The following ARHGAP10 variants were observed in gnomAD, a reference collection of about 807,000 sequenced individuals.
ARHGAP10 encodes rho GTPase-activating protein 10.
A neutral mutation model predicts 108.6 loss-of-function variants in ARHGAP10; 87 were observed. That is an observed-to-expected ratio of 0.80 (90% confidence interval 0.67 to 0.96). The LOEUF (loss-of-function observed/expected upper bound fraction) is 0.96, where lower values mean the gene tolerates loss of function less well. ARHGAP10 is among the 40% of genes least tolerant of loss of function. ARHGAP10 has a pLI of 0.00. For synonymous variants in ARHGAP10, 347 were observed against 341.1 expected, an observed-to-expected ratio of 1.02 and a Z score of -0.19; for missense variants, 939 against 954.5, an observed-to-expected ratio of 0.98 and a Z score of 0.21.
At chr4:147,986,745 A>G (rs1740058431) in intron 18 of ARHGAP10, among the ~76,000 whole-genome samples, 1 of 152,232 alleles carries the variant, frequency 6.6e-6, no homozygotes, top group African/African-American at 2.4e-5. Context: ...AAAGTACATC[A>G]TGATTCAGAT....
At chr4:147,954,026 T>A (rs1243277759) in intron 15 of ARHGAP10, among the ~76,000 whole-genome samples, 1 of 152,080 alleles carries the variant, frequency 6.6e-6, no homozygotes, top group Non-Finnish European at 1.5e-5. Context: ...CTGTTATTGA[T>A]TTTTAATTCA....
intron 1 of ARHGAP10, among the ~76,000 whole-genome samples, chr4:147,806,630 G>T (rs925175511): frequency 6.6e-6 from 1 of 152,114 alleles, no homozygotes; most frequent in Non-Finnish European, 1.5e-5. Flanking sequence ...AAGGTGCTTA[G>T]TGACTTGGTT....
intron 1 of ARHGAP10, among the ~76,000 whole-genome samples, chr4:147,734,031 G>A (rs1459507165): frequency 2.6e-5 from 4 of 151,996 alleles, no homozygotes; most frequent in Admixed American, 6.6e-5. Context: ...ATATGGAGGA[G>A]TGAGCATAGA....
At chr4:147,835,913 G>C (rs1384887589) in intron 3 of ARHGAP10, among the ~76,000 whole-genome samples, 1 of 152,166 alleles carries the variant, frequency 6.6e-6, no homozygotes, top group African/African-American at 2.4e-5. Flanking sequence ...GGTTCTTACT[G>C]TCCCTTATGC....
At chr4:147,867,684 T>C (rs964811776) in intron 7 of ARHGAP10, among the ~76,000 whole-genome samples, 2 of 151,896 alleles carry the variant, frequency 1.3e-5, no homozygotes, top group African/African-American at 2.4e-5. Context: ...GCCAACATGG[T>C]GAAACCCTGT....
chr4:147,756,187 G>A (rs1262481595), intron 1 of ARHGAP10, among the ~76,000 whole-genome samples: 2 of 151,382 alleles, frequency 1.3e-5, no homozygotes, highest in Non-Finnish European at 2.9e-5. Context: ...GGCTTTCCCA[G>A]GACTCTCCAG....
chr4:147,960,982 T>C (rs1161739992), intron 16 of ARHGAP10, among the ~76,000 whole-genome samples: 1 of 152,246 alleles, frequency 6.6e-6, no homozygotes, highest in African/African-American at 2.4e-5. Flanking sequence ...GTTTCCAGTT[T>C]TGGGCTAATA....
At position 147,817,480 on chromosome 4, in the gene ARHGAP10, G is replaced by T. The variant is rs557084625; in HGVS notation, c.155-5247G>T. 2.0e-5 allele frequency among the ~76,000 whole-genome samples: 3 copies of T among 152,326 alleles called. No individual in the cohort carries two copies. In the East Asian group the frequency reaches 5.8e-4, roughly 29 times the overall value. ...TCAGTTGTAGAATCAAGGACAAGCA[G>T]TGGCAGTTCAGGCCAGAATCTGGAG... On this transcript the variant is annotated intron_variant, in intron 1 of 22. Coordinates refer to ENST00000336498, the MANE Select transcript of ARHGAP10 (RefSeq NM_024605.4).
chr4:147,997,904 A>T (rs1012436957), intron 18 of ARHGAP10, among the ~76,000 whole-genome samples: 1 of 152,234 alleles, frequency 6.6e-6, no homozygotes, highest in African/African-American at 2.4e-5. Context: ...AGGAATTTTT[A>T]AAACTTTCAT....
chr4:148,055,650 T>C (rs1279128969), intron 20 of ARHGAP10, among the ~76,000 whole-genome samples: 1 of 152,190 alleles, frequency 6.6e-6, no homozygotes, highest in East Asian at 1.9e-4. Context: ...ATTGCGCCAC[T>C]GCACTCCAGC....
intron 1 of ARHGAP10, among the ~76,000 whole-genome samples, chr4:147,821,085 G>C (rs1448615599): frequency 1.3e-5 from 2 of 152,136 alleles, no homozygotes; most frequent in African/African-American, 4.8e-5. Context: ...GTGGGCTGCT[G>C]CTGCGGCAAC....
intron 1 of ARHGAP10, among the ~76,000 whole-genome samples, chr4:147,787,142 AG>A (rs1312936039): frequency 1.3e-5 from 2 of 152,210 alleles, no homozygotes; most frequent in Non-Finnish European, 2.9e-5. Context: ...CTAGAAGATC[AG>A]GGTTGTCACA....
In ARHGAP10 at chr4:148,009,586, G is replaced by A. The variant is rs549651808; in HGVS notation, c.1717-13677G>A. The stretch of plus-strand genomic sequence containing the variant: ...GAATGTAGATGTACAGAATTTTGAT[G>A]TTTCCCAGTCTGGAAGCCCTGTACT... On this transcript the variant is annotated intron_variant, in intron 18 of 22. Transcript: ENST00000336498. Among the ~76,000 whole-genome samples the A allele has an allele frequency of 7.2e-5, 11 of 152,280 alleles. No individual in the cohort carries two copies. In the South Asian group the frequency reaches 1.9e-3, roughly 26 times the overall value.
At chr4:147,738,637 G>T (rs116751768) in intron 1 of ARHGAP10, among the ~76,000 whole-genome samples, 1 of 152,108 alleles carries the variant, frequency 6.6e-6, no homozygotes, top group Non-Finnish European at 1.5e-5. Flanking sequence ...TTTAGTATAA[G>T]TGCTCAAAGG....
At chr4:147,977,795 TTC>T (rs376154933) in intron 18 of ARHGAP10, among the ~76,000 whole-genome samples, 1 of 151,866 alleles carries the variant, frequency 6.6e-6, no homozygotes, top group Non-Finnish European at 1.5e-5. Flanking sequence ...TTTCCACCCT[TTC>T]TCTCTCTCTC....
At chr4:147,918,246 C>T (rs1346405007) in intron 13 of ARHGAP10, among the ~76,000 whole-genome samples, 1 of 150,656 alleles carries the variant, frequency 6.6e-6, no homozygotes, top group African/African-American at 2.5e-5. Flanking sequence ...CACCATTCTC[C>T]TGCCTCAGCC....
intron 10 of ARHGAP10, among the ~76,000 whole-genome samples, chr4:147,882,538 G>A (rs547543503): frequency 5.9e-5 from 9 of 152,054 alleles, no homozygotes; most frequent in Non-Finnish European, 1.3e-4. Context: ...GAACAATGGC[G>A]AGAGGAACTG....
chr4:147,772,787 C>G (rs1730130755), intron 1 of ARHGAP10, among the ~76,000 whole-genome samples: 2 of 152,018 alleles, frequency 1.3e-5, no homozygotes, highest in South Asian at 2.1e-4. Flanking sequence ...GGAGCATTCT[C>G]TTAAGTCTAG....
intron 19 of ARHGAP10, among the ~76,000 whole-genome samples, chr4:148,041,413 G>C (rs1728628516): frequency 6.6e-6 from 1 of 152,202 alleles, no homozygotes; most frequent in Non-Finnish European, 1.5e-5. Context: ...TGAAATGGCA[G>C]GGAAGCCCAA....
Sources: allele counts gnomAD v4.1 joint callset (sites outside exome capture counted in the v4.1 genomes callset), GRCh38; gene constraint gnomAD v4.1.1; transcripts MANE v1.5; gene names NCBI Gene and HGNC (gene_info 2026-07-23, HGNC 2026-07-21).